The following ELOC variants were observed in gnomAD, a reference collection of about 807,000 sequenced individuals.
ELOC encodes the protein elongin C, also known as elongin-C.
For missense variants in ELOC, 38 were observed against 139.0 expected (o/e 0.27, Z 3.65); for synonymous variants, 40 against 51.3 (o/e 0.78, Z 0.94).
chr8:73,958,340 T>A (rs1405816892), intron 2 of ELOC, among the ~76,000 whole-genome samples: 1 of 152,156 alleles, frequency 6.6e-6, no homozygotes, highest in Non-Finnish European at 1.5e-5. Flanking sequence ...CATCATCTTA[T>A]GTTATGTAAT....
chr8:73,966,266 C>T (rs1814962996), intron 1 of ELOC, among the ~76,000 whole-genome samples: 2 of 152,046 alleles, frequency 1.3e-5, no homozygotes, highest in South Asian at 4.1e-4. Context: ...CTAACATTAA[C>T]AGAGATCTGA....
chr8:73,968,925 C>T (rs1238610869), intron 1 of ELOC, among the ~76,000 whole-genome samples: 2 of 152,200 alleles, frequency 1.3e-5, no homozygotes, highest in African/African-American at 4.8e-5. Context: ...TTCCTTAGTA[C>T]TCCAGATGTC....
chr8:73,968,965 C>A (rs559591618), intron 1 of ELOC, among the ~76,000 whole-genome samples: 27 of 152,232 alleles, frequency 1.8e-4, no homozygotes, highest in Non-Finnish European at 3.4e-4. Context: ...GCTTCCATTA[C>A]TGTATGCTCC....
At chr8:73,947,604 T>G (rs1340044558) in intron 3 of ELOC, among the ~76,000 whole-genome samples, 1 of 151,988 alleles carries the variant, frequency 6.6e-6, no homozygotes, top group African/African-American at 2.4e-5. Flanking sequence ...CATAGAGTCT[T>G]GATCTGTTGC....
chr8:73,951,319 TAC>T (rs1402461739), intron 3 of ELOC, among the ~76,000 whole-genome samples: 1 of 151,980 alleles, frequency 6.6e-6, no homozygotes, highest in Non-Finnish European at 1.5e-5. Context: ...GGAGGTGTAT[TAC>T]ACAGTTCTCT....
intron 3 of ELOC, among the ~76,000 whole-genome samples, chr8:73,953,971 G>A (rs1442327395): frequency 2.0e-5 from 3 of 152,198 alleles, no homozygotes; most frequent in African/African-American, 7.2e-5. Flanking sequence ...ACAAATTGTG[G>A]TGTATTCACA....
chr8:73,946,211 T>C lies in ELOC; in HGVS notation c.*419A>G, dbSNP rs1405729414. 1 of 154,490 alleles carries C rather than the reference T, an allele frequency of 6.5e-6. No individual in the cohort carries two copies. The highest frequency in any genetic ancestry group is 1.4e-5 in the Non-Finnish European group (1 of 69,570). The allele number at this position is 154,490 out of a possible 1,614,324, so 9.6% of individuals were successfully genotyped here. On this transcript the variant is annotated 3_prime_UTR_variant, in exon 4 of 4. Coordinates refer to ENST00000520242, the MANE Select transcript of ELOC (RefSeq NM_005648.4). Reference sequence around the variant, plus strand: ...TAAACATGTTTATAATGCAATTATTTGCATAACTCTAGTAATGCTAATGGC... The same window carrying C: ...TAAACATGTTTATAATGCAATTATTCGCATAACTCTAGTAATGCTAATGGC...
intron 3 of ELOC, among the ~76,000 whole-genome samples, chr8:73,954,471 C>G (rs548486751): frequency 5.3e-5 from 8 of 151,758 alleles, no homozygotes; most frequent in Non-Finnish European, 1.2e-4. Flanking sequence ...CTGGCTAACA[C>G]GGTGAAACCC....
chr8:73,951,682 A>AACAACAACAAC (rs1813775773), intron 3 of ELOC, among the ~76,000 whole-genome samples: 2 of 126,092 alleles, frequency 1.6e-5, no homozygotes, highest in African/African-American at 5.9e-5. Context: ...ACAACAACAA[A>AACAACAACAAC]ACAACAGACA....
In ELOC at chr8:73,946,574, G is replaced by C; in HGVS notation, c.*56C>G. 1 of 1,376,766 alleles carries C rather than the reference G, an allele frequency of 7.3e-7. No individual in the cohort carries two copies. The highest frequency in any genetic ancestry group is 1.5e-5 in the South Asian group (1 of 68,180). 85.3% of individuals were successfully genotyped at this position (1,376,766 alleles called of 1,614,324 possible). A position where few individuals can be genotyped will look rare whatever the true frequency, so the allele number is the denominator to read the frequency against. On this transcript the variant is annotated 3_prime_UTR_variant, in exon 4 of 4. Coordinates refer to ENST00000520242, the MANE Select transcript of ELOC (RefSeq NM_005648.4). ...GCTATATATGAAAAAGTTACTAACTGAACTACAGGTATTAAATACTGAAAA... is the reference window on the plus strand; with the variant it reads ...GCTATATATGAAAAAGTTACTAACTCAACTACAGGTATTAAATACTGAAAA...
intron 1 of ELOC, among the ~76,000 whole-genome samples, chr8:73,962,213 A>G (rs531717579): frequency 6.6e-6 from 1 of 152,192 alleles, no homozygotes; most frequent in East Asian, 1.9e-4. Flanking sequence ...TTTAAAAACA[A>G]CTCTTCCACA....
intron 1 of ELOC, among the ~76,000 whole-genome samples, chr8:73,961,903 A>G (rs1038189341): frequency 6.6e-5 from 10 of 151,044 alleles, no homozygotes; most frequent in South Asian, 2.1e-4. Context: ...TATCTTGTTT[A>G]TTTATTTTTT....
In ELOC at chr8:73,945,574, T is replaced by A. The variant is rs1303279161; in HGVS notation, c.*1056A>T. Reference sequence around the variant, plus strand: ...GATGCTGTCATATTTTTTCAAAAAATTTTTTGGCTGCTTAATAGAAAAGCT... The same window carrying A: ...GATGCTGTCATATTTTTTCAAAAAAATTTTTGGCTGCTTAATAGAAAAGCT... On this transcript the variant is annotated 3_prime_UTR_variant, in exon 4 of 4. Coordinates refer to ENST00000520242, the MANE Select transcript of ELOC (RefSeq NM_005648.4). 7.2e-5 allele frequency: 11 copies of A among 152,192 alleles called. No individual in the cohort carries two copies. The allele number at this position is 152,192 out of a possible 1,614,324, so 9.4% of individuals were successfully genotyped here.
In ELOC at chr8:73,946,137, T is replaced by C. The variant is rs546621472; in HGVS notation, c.*493A>G. The C allele has an allele frequency of 6.6e-6, 1 of 152,448 alleles. No individual in the cohort carries two copies. The highest frequency in any genetic ancestry group is 2.1e-4 in the South Asian group (1 of 4,830). The allele number at this position is 152,448 out of a possible 1,614,324, so 9.4% of individuals were successfully genotyped here. A position where few individuals can be genotyped will look rare whatever the true frequency, so the allele number is the denominator to read the frequency against. Reference sequence around the variant, plus strand: ...CAGTTTATCAAAAGACATAAGAAATTTCAACTCATACTTGGAGAGTTATAA... The same window carrying C: ...CAGTTTATCAAAAGACATAAGAAATCTCAACTCATACTTGGAGAGTTATAA... On this transcript the variant is annotated 3_prime_UTR_variant, in exon 4 of 4. Transcript: ENST00000520242.
At chr8:73,966,360 T>G in intron 1 of ELOC, among the ~76,000 whole-genome samples, 1 of 152,058 alleles carries the variant, frequency 6.6e-6, no homozygotes, top group Non-Finnish European at 1.5e-5. Context: ...TCTGGCCAGA[T>G]GAGTGAGTCA....
chr8:73,968,580 C>T (rs1410597337), intron 1 of ELOC, among the ~76,000 whole-genome samples: 1 of 152,236 alleles, frequency 6.6e-6, no homozygotes, highest in Admixed American at 6.5e-5. Context: ...AAACCAATCA[C>T]TTCAGTTGCC....
chr8:73,966,242 G>A (rs1047023109), intron 1 of ELOC, among the ~76,000 whole-genome samples: 4 of 152,002 alleles, frequency 2.6e-5, no homozygotes, highest in Admixed American at 6.6e-5. Context: ...TAATACATAC[G>A]GCATGGTGAA....
chr8:73,971,938 A>T (rs999955497), intron 1 of ELOC, 139 bp downstream of exon 1: 2 of 152,058 alleles, frequency 1.3e-5, no homozygotes, highest in African/African-American at 4.8e-5. Context: ...GGGGAGGCCC[A>T]AGGAGGTTAA....
At chr8:73,948,805 A>AG (rs1813555749) in intron 3 of ELOC, among the ~76,000 whole-genome samples, 1 of 151,972 alleles carries the variant, frequency 6.6e-6, no homozygotes, top group Admixed American at 6.6e-5. Flanking sequence ...ACTGTACTCC[A>AG]GCCTGGGCAA....
Sources: gnomAD v4.1 joint callset for allele counts (sites outside exome capture counted in the v4.1 genomes callset) on GRCh38, gnomAD v4.1.1 for gene constraint, MANE v1.5 for transcripts, NCBI Gene and HGNC (gene_info 2026-07-23, HGNC 2026-07-21) for gene names.